CACNA1B: variants seen among roughly 807,000 people sequenced by gnomAD.
The protein encoded by CACNA1B is calcium voltage-gated channel subunit alpha1 B.
A neutral mutation model predicts 247.2 loss-of-function variants in CACNA1B; 70 were observed. The ratio of observed to expected loss-of-function variants is 0.28; its 90% CI spans 0.23 to 0.35. The LOEUF (loss-of-function observed/expected upper bound fraction) is 0.35, where lower values mean the gene tolerates loss of function less well. CACNA1B is among the 10% of genes least tolerant of loss of function. CACNA1B has a pLI of 1.00. For missense variants in CACNA1B, 2,367 were observed against 3,197.4 expected, an observed-to-expected ratio of 0.74 and a Z score of 6.26; for synonymous variants, 1,231 against 1,294.4, an observed-to-expected ratio of 0.95 and a Z score of 1.05.
At chr9:138,048,232 C>T (rs887807016) in intron 23 of CACNA1B, among the ~76,000 whole-genome samples, 3 of 152,164 alleles carry the variant, frequency 2.0e-5, no homozygotes, top group Non-Finnish European at 4.4e-5. Context: ...GTTATGTTAC[C>T]GGCCTAGAAT....
At chr9:137,999,954 CA>C (rs1958545832) in intron 15 of CACNA1B, among the ~76,000 whole-genome samples, 1 of 152,104 alleles carries the variant, frequency 6.6e-6, no homozygotes, top group African/African-American at 2.4e-5. Flanking sequence ...GATAATTGTA[CA>C]GCGACTGATC....
At chr9:138,105,272 A>G (rs1464347310) in intron 38 of CACNA1B, among the ~76,000 whole-genome samples, 1 of 152,184 alleles carries the variant, frequency 6.6e-6, no homozygotes, top group African/African-American at 2.4e-5. Flanking sequence ...CCTTGTCCAG[A>G]TGATCGAAGT....
Position 138,043,765 on chromosome 9 carries a change from T to C in CACNA1B, c.3287-9T>C, listed in dbSNP as rs1486827839. Reference sequence around the variant, plus strand: ...ACACCCCTTACTCGGGGGCCCTGTGTCCTTGTAGGTGGTAACGTGGACCTG... The same window carrying C: ...ACACCCCTTACTCGGGGGCCCTGTGCCCTTGTAGGTGGTAACGTGGACCTG... On this transcript the variant is annotated splice_polypyrimidine_tract_variant and intron_variant, in intron 20 of 46. Transcript: ENST00000371372. The C allele has an allele frequency of 6.2e-7, 1 of 1,613,726 alleles. No homozygotes were observed. The highest frequency in any genetic ancestry group is 8.5e-7 in the Non-Finnish European group (1 of 1,179,832).
At chr9:138,028,953 T>A (rs1449215641) in intron 20 of CACNA1B, among the ~76,000 whole-genome samples, 1 of 152,222 alleles carries the variant, frequency 6.6e-6, no homozygotes. Context: ...GTAGGCTCAG[T>A]TAGCCACTTG....
rs1957376072 is a variant in CACNA1B at position 137,913,147 on chromosome 9, C to T, written c.531-33C>T. 3 of 1,585,088 alleles carry T rather than the reference C, an allele frequency of 1.9e-6. No homozygotes were observed. Among genetic ancestry groups the T allele is most frequent in the South Asian group, 1.1e-5 (1 of 90,174 alleles). ...CCTCTTCCAGGCTCAATGTGGAAAC[C>T]TTTACTTCCCTTCTTCTCCTTGTTT... On this transcript the variant is annotated intron_variant, in intron 3 of 46. Coordinates refer to ENST00000371372, the MANE Select transcript of CACNA1B (RefSeq NM_000718.4). The surrounding 1 kb of genome is among the most constrained non-coding windows in gnomAD (Gnocchi z 5.2).
intron 3 of CACNA1B, among the ~76,000 whole-genome samples, chr9:137,900,906 G>T (rs745379680): frequency 1.4e-5 from 2 of 145,268 alleles, no homozygotes; most frequent in Non-Finnish European, 3.0e-5. Flanking sequence ...CCGTGTGTCC[G>T]TGTGTCTGTG....
In CACNA1B at chr9:137,999,246, AT is replaced by A. The variant is rs1000169880; in HGVS notation, c.1975-7520del. ...AGACTCCAACTAAAAAAAATAAAAA[AT>A]AAAAAATGAATATTGCTGTCCTGCA... On this transcript the variant is annotated intron_variant, in intron 15 of 46. Coordinates refer to ENST00000371372, the MANE Select transcript of CACNA1B (RefSeq NM_000718.4). Among the ~76,000 whole-genome samples the A allele has an allele frequency of 5.6e-4, 47 of 84,086 alleles. No homozygotes were observed. In the East Asian group the frequency reaches 0.026, roughly 46 times the overall value. The allele number at this position is 84,086 out of a possible 152,430, so 55.2% of individuals were successfully genotyped here. A position where few individuals can be genotyped will look rare whatever the true frequency, so the allele number is the denominator to read the frequency against.
At chr9:138,004,910 G>A (rs1958628368) in intron 15 of CACNA1B, among the ~76,000 whole-genome samples, 2 of 152,194 alleles carry the variant, frequency 1.3e-5, no homozygotes, top group African/African-American at 2.4e-5. Context: ...ATCATCAGGC[G>A]AAGACAAATC....
At chr9:137,884,961 C>CA (rs540427202) in intron 3 of CACNA1B, among the ~76,000 whole-genome samples, 1 of 108,674 alleles carries the variant, frequency 9.2e-6, no homozygotes, top group South Asian at 3.4e-4. Flanking sequence ...CCCTCTTCCC[C>CA]CCCCCCCTCC....
At chr9:138,063,601 C>G (rs1589106066) in intron 31 of CACNA1B, among the ~76,000 whole-genome samples, 1 of 152,388 alleles carries the variant, frequency 6.6e-6, no homozygotes, top group South Asian at 2.1e-4. Flanking sequence ...GCTTCTGACC[C>G]TGCTTAGCAG....
intron 36 of CACNA1B, 85 bp downstream of exon 36, chr9:138,078,343 T>G: frequency 7.3e-7 from 1 of 1,362,976 alleles, no homozygotes; most frequent in South Asian, 1.3e-5. Context: ...TGCTGATCCC[T>G]GACTCTGATC....
intron 3 of CACNA1B, among the ~76,000 whole-genome samples, chr9:137,909,753 A>G (rs888553695): frequency 2.6e-5 from 4 of 151,556 alleles, no homozygotes; most frequent in Non-Finnish European, 4.4e-5. Flanking sequence ...TGTTAATTCT[A>G]TGTTTAACTT....
chr9:137,896,313 C>T (rs1957172321), intron 3 of CACNA1B, among the ~76,000 whole-genome samples: 1 of 151,242 alleles, frequency 6.6e-6, no homozygotes, highest in Non-Finnish European at 1.5e-5. Flanking sequence ...CAGTTTCCCT[C>T]TGTTCCAGTT....
chr9:137,894,498 C>T (rs1957149831), intron 3 of CACNA1B, among the ~76,000 whole-genome samples: 1 of 151,438 alleles, frequency 6.6e-6, no homozygotes, highest in African/African-American at 2.4e-5. Context: ...CACTGCAAGC[C>T]CCTGGGTTCA....
chr9:138,044,749 G>A (rs565414291), intron 21 of CACNA1B, among the ~76,000 whole-genome samples: 5 of 152,212 alleles, frequency 3.3e-5, no homozygotes, highest in African/African-American at 4.8e-5. Flanking sequence ...ACCCCTGTTC[G>A]TTACCGATCT....
At chr9:137,977,428 G>A (rs1332081264) in intron 12 of CACNA1B, among the ~76,000 whole-genome samples, 4 of 139,174 alleles carry the variant, frequency 2.9e-5, no homozygotes, top group Admixed American at 2.8e-4. Context: ...AGCTTACCAT[G>A]ACAGCTGAGC....
In CACNA1B at chr9:137,988,134, G is replaced by A. The variant is rs540185940; in HGVS notation, c.1974+1280G>A. Among the ~76,000 whole-genome samples, 12 of 152,344 alleles carry A rather than the reference G, an allele frequency of 7.9e-5. No individual in the cohort carries two copies. In the South Asian group the frequency reaches 2.5e-3, roughly 32 times the overall value. ...AGATGTTTTTGAGCTCTTAGTGGGT[G>A]ACAGGACCTATGTCAGCCTCTGGGA... On this transcript the variant is annotated intron_variant, in intron 15 of 46. Coordinates refer to ENST00000371372, the MANE Select transcript of CACNA1B (RefSeq NM_000718.4).
At position 138,058,798 on chromosome 9, in the gene CACNA1B, T is replaced by G; in HGVS notation, c.4473+65T>G. ...AGGGATTGGGATCTAACCCTGAGGCTGAGTGGAGAGTCAGCCTTCTTCCTC... is the reference window on the plus strand; with the variant it reads ...AGGGATTGGGATCTAACCCTGAGGCGGAGTGGAGAGTCAGCCTTCTTCCTC... On this transcript the variant is annotated intron_variant, in intron 29 of 46. Transcript: ENST00000371372. This position sits in a 1 kb window ranked among gnomAD's most constrained non-coding sequence, Gnocchi z 4.7. 6.9e-7 allele frequency: 1 copy of G among 1,440,900 alleles called. No homozygotes were observed. The highest frequency in any genetic ancestry group is 2.1e-5 in the Admixed American group (1 of 48,314). 89.3% of individuals were successfully genotyped at this position (1,440,900 alleles called of 1,614,324 possible).
rs1354143599 is a variant in CACNA1B, at chr9:138,121,418, T to A, written c.6490-51T>A. 6 of 68,120 alleles carry A rather than the reference T, an allele frequency of 8.8e-5. No individual in the cohort carries two copies. The highest frequency in any genetic ancestry group is 7.9e-4 in the Admixed American group (1 of 1,268). The allele number at this position is 68,120 out of a possible 1,614,324, so 4.2% of individuals were successfully genotyped here. A position where few individuals can be genotyped will look rare whatever the true frequency, so the allele number is the denominator to read the frequency against. ...GATGTGCTCTGTCTGTTGGTTCGGC[T>A]TTTTTTTTTTTTTTTTTACCTCTGA... is the stretch of plus-strand genomic sequence containing the variant. On this transcript the variant is annotated intron_variant, in intron 46 of 46. Transcript: ENST00000371372. This position sits in a 1 kb window ranked among gnomAD's most constrained non-coding sequence, Gnocchi z 6.8.
Sources: allele counts gnomAD v4.1 joint callset (sites outside exome capture counted in the v4.1 genomes callset), GRCh38; gene constraint gnomAD v4.1.1; non-coding constraint Gnocchi (gnomAD v3.1); transcripts MANE v1.5; gene names NCBI Gene and HGNC (gene_info 2026-07-23, HGNC 2026-07-21).